Variants in GRIN2A observed in about 807,000 individuals in gnomAD.
GRIN2A encodes glutamate ionotropic receptor NMDA type subunit 2A.
In GRIN2A, 22 loss-of-function variants were observed where a neutral mutation model predicts 113.4. The observed-to-expected ratio is 0.19, with a 90% CI of 0.14 to 0.28. GRIN2A has a LOEUF of 0.28. GRIN2A is among the 10% of genes least tolerant of loss of function. The pLI is 1.00. For synonymous variants in GRIN2A, 827 were observed against 738.4 expected (o/e 1.12, Z -1.94); for missense variants, 1,502 against 1,887.0 (o/e 0.80, Z 3.78).
At chr16:10,036,730 G>A (rs1414118581) in intron 2 of GRIN2A, among the ~76,000 whole-genome samples, 2 of 151,858 alleles carry the variant, frequency 1.3e-5, no homozygotes, top group East Asian at 3.9e-4. Flanking sequence ...ACAGGCGTGA[G>A]CCACCGTGCC....
chr16:9,919,109 G>A (rs1370567638), intron 3 of GRIN2A, among the ~76,000 whole-genome samples: 1 of 152,134 alleles, frequency 6.6e-6, no homozygotes, highest in Non-Finnish European at 1.5e-5. Flanking sequence ...GGAGGCGGAG[G>A]TTGCAGTGAG....
At chr16:9,875,323 C>T (rs902189874) in intron 4 of GRIN2A, among the ~76,000 whole-genome samples, 2 of 152,074 alleles carry the variant, frequency 1.3e-5, no homozygotes, top group African/African-American at 4.8e-5. Context: ...GCTTAGAGAC[C>T]AATGCTGAGA....
rs1009262417 is a variant in GRIN2A, at chr16:9,840,109, C to T, written c.1651+538G>A. Among the ~76,000 whole-genome samples, 9 of 152,122 alleles carry T rather than the reference C, an allele frequency of 5.9e-5. No individual in the cohort carries two copies. In the East Asian group the frequency reaches 9.6e-4, roughly 16 times the overall value. On this transcript the variant is annotated intron_variant, in intron 7 of 12. Transcript: ENST00000330684. Reference sequence around the variant, plus strand: ...CTCAAGCCTGGGCAGCAGAGCTAGACTCCATCTCAAAAAAATAAACTGTCT... The same window carrying T: ...CTCAAGCCTGGGCAGCAGAGCTAGATTCCATCTCAAAAAAATAAACTGTCT...
At chr16:9,945,480 A>G (rs9933069) in intron 2 of GRIN2A, among the ~76,000 whole-genome samples, 111,850 of 152,038 alleles carry the variant, frequency 0.74, 42,939 homozygotes, top group African/African-American at 0.9. Flanking sequence ...ACAGGAAGCA[A>G]AGGCCACATC....
intron 11 of GRIN2A, among the ~76,000 whole-genome samples, chr16:9,772,680 T>C (rs1956285851): frequency 6.6e-6 from 1 of 152,118 alleles, no homozygotes; most frequent in Non-Finnish European, 1.5e-5. Flanking sequence ...TCAGACCCTT[T>C]GGAGTCTGGG....
At chr16:9,981,698 A>T (rs964600061) in intron 2 of GRIN2A, among the ~76,000 whole-genome samples, 1 of 152,186 alleles carries the variant, frequency 6.6e-6, no homozygotes, top group Non-Finnish European at 1.5e-5. Flanking sequence ...GTCTGTGTTC[A>T]TATTTCGCTG....
intron 5 of GRIN2A, among the ~76,000 whole-genome samples, chr16:9,841,544 T>G (rs1267184993): frequency 6.6e-6 from 1 of 152,172 alleles, no homozygotes; most frequent in Non-Finnish European, 1.5e-5. Context: ...GAGAGGAGGA[T>G]GTGAAATTCT....
At chr16:10,118,439 T>C (rs1034443502) in intron 2 of GRIN2A, among the ~76,000 whole-genome samples, 6 of 152,110 alleles carry the variant, frequency 3.9e-5, no homozygotes, top group African/African-American at 1.4e-4. Flanking sequence ...TACAAGCACC[T>C]GTTTTGCAAT....
At chr16:9,802,607 T>C (rs1336262994) in intron 10 of GRIN2A, among the ~76,000 whole-genome samples, 2 of 152,166 alleles carry the variant, frequency 1.3e-5, no homozygotes, top group Admixed American at 6.5e-5. Context: ...ATTATTGTTA[T>C]TATTTTTCTA....
At chr16:9,991,670 G>A (rs188094975) in intron 2 of GRIN2A, among the ~76,000 whole-genome samples, 1 of 152,232 alleles carries the variant, frequency 6.6e-6, no homozygotes, top group East Asian at 1.9e-4. Flanking sequence ...TTTTGGAGTT[G>A]CTGCACTTAA....
chr16:9,966,593 C>T (rs1049047063), intron 2 of GRIN2A, among the ~76,000 whole-genome samples: 18 of 152,236 alleles, frequency 1.2e-4, no homozygotes, highest in Admixed American at 1.0e-3. Flanking sequence ...TACACATGCC[C>T]GTGTCCTTAT....
Position 9,763,295 on chromosome 16 carries a change from G to A in GRIN2A, c.4249C>T (p.Arg1417Trp), listed in dbSNP as rs369508378. Residue 1417 changes from arginine to tryptophan, a missense_variant, in exon 13 of 13, where the codon CGG (arginine) becomes TGG (tryptophan). This residue lies in a region of GRIN2A where 832 missense variants were observed against 789.7 expected (regional missense o/e 1.05). Transcript: ENST00000330684. ...STASYCSRDSRGHNDVYISEH... is the reference protein window; with the variant it reads ...STASYCSRDSWGHNDVYISEH... Reference sequence around the variant, plus strand: ...GAAATATACACATCATTGTGGCCCCGACTGTCCCTGGAACAGTACGATGCC... The same window carrying A: ...GAAATATACACATCATTGTGGCCCCAACTGTCCCTGGAACAGTACGATGCC... 5 of 1,614,064 alleles carry A rather than the reference G, an allele frequency of 3.1e-6. No individual in the cohort carries two copies. The highest frequency in any genetic ancestry group is 2.2e-5 in the East Asian group (1 of 44,854).
At chr16:10,061,775 C>T (rs969788539) in intron 2 of GRIN2A, among the ~76,000 whole-genome samples, 12 of 152,138 alleles carry the variant, frequency 7.9e-5, no homozygotes, top group African/African-American at 2.7e-4. Flanking sequence ...TTAAAGAATG[C>T]CAGCTCCAGT....
chr16:9,764,229 G>A lies in GRIN2A; in HGVS notation c.3315C>T (p.Tyr1105=), dbSNP rs558130047. 1.1e-5 allele frequency: 17 copies of A among 1,613,690 alleles called. No individual in the cohort carries two copies. In the South Asian group the frequency reaches 1.8e-4, roughly 17 times the overall value. ...TAGGGGAGCTTGATTTGGTTTTCAG[G>A]TAGGTGCGCTCGACCTCACTACAGT... ...PKDCSEVERT[Y]LKTKSSSPRD... is the part of the protein sequence containing the mutation. Residue 1105 remains tyrosine, a synonymous_variant, in exon 13 of 13, where the codon TAC becomes TAT. Coordinates refer to ENST00000330684, the MANE Select transcript of GRIN2A (RefSeq NM_001134407.3).
At chr16:9,787,358 A>T (rs1902294012) in intron 11 of GRIN2A, among the ~76,000 whole-genome samples, 1 of 152,224 alleles carries the variant, frequency 6.6e-6, no homozygotes, top group South Asian at 2.1e-4. Flanking sequence ...CCAATTGCAA[A>T]TCAGAAAATC....
chr16:10,161,828 CAT>C (rs2049815163), intron 2 of GRIN2A, among the ~76,000 whole-genome samples: 1 of 152,146 alleles, frequency 6.6e-6, no homozygotes, highest in African/African-American at 2.4e-5. Flanking sequence ...CCCCTTCCTC[CAT>C]CTTCAAAGTG....
At chr16:9,936,594 G>T (rs754563947) in intron 3 of GRIN2A, among the ~76,000 whole-genome samples, 6 of 152,134 alleles carry the variant, frequency 3.9e-5, no homozygotes, top group Non-Finnish European at 5.9e-5. Flanking sequence ...GAACCATAAT[G>T]ATGGGCCACA....
At chr16:9,787,778 A>C (rs1175951897) in intron 11 of GRIN2A, among the ~76,000 whole-genome samples, 1 of 152,210 alleles carries the variant, frequency 6.6e-6, no homozygotes, top group Non-Finnish European at 1.5e-5. Context: ...AAACTGTCCC[A>C]TCCTCTCAAA....
intron 7 of GRIN2A, among the ~76,000 whole-genome samples, chr16:9,838,050 T>G (rs1481628879): frequency 6.6e-6 from 1 of 152,142 alleles, no homozygotes; most frequent in African/African-American, 2.4e-5. Context: ...GAACGAAACA[T>G]GAAAGTTTCA....
Sources: allele counts gnomAD v4.1 joint callset (sites outside exome capture counted in the v4.1 genomes callset), GRCh38; gene constraint gnomAD v4.1.1; regional missense constraint gnomAD v4.1.1; transcripts MANE v1.5; gene names NCBI Gene and HGNC (gene_info 2026-07-23, HGNC 2026-07-21).